The following RAB27B variants were observed in gnomAD, a reference collection of about 807,000 sequenced individuals.
RAB27B encodes RAB27B, member RAS oncogene family.
Under a neutral mutation model 24.6 loss-of-function variants are expected in RAB27B, and 15 were observed. That is an observed-to-expected ratio of 0.61 (90% CI 0.41 to 0.94). The LOEUF is 0.94. Ranked by LOEUF, RAB27B falls within the 40% of genes least tolerant of loss-of-function variation. The pLI, the probability that RAB27B is intolerant of heterozygous loss-of-function variation, is 0.00. For missense variants in RAB27B, 261 were observed against 266.8 expected, an observed-to-expected ratio of 0.98 and a Z score of 0.15; for synonymous variants, 105 against 92.5, an observed-to-expected ratio of 1.14 and a Z score of -0.78.
At chr18:54,867,866 C>T (rs1021186760) in intron 1 of RAB27B, among the ~76,000 whole-genome samples, 1 of 152,158 alleles carries the variant, frequency 6.6e-6, no homozygotes, top group African/African-American at 2.4e-5. Flanking sequence ...TGAGAACTTG[C>T]CTGCCTCTCT....
At chr18:54,809,542 G>A (rs1260679350) in intron 2 of RAB27B, among the ~76,000 whole-genome samples, 1 of 152,192 alleles carries the variant, frequency 6.6e-6, no homozygotes, top group Non-Finnish European at 1.5e-5. Context: ...GGGTGAGCAA[G>A]AGAATAAACA....
intron 2 of RAB27B, among the ~76,000 whole-genome samples, chr18:54,758,055 T>C (rs1467145397): frequency 1.3e-5 from 2 of 152,090 alleles, no homozygotes; most frequent in Non-Finnish European, 2.9e-5. Flanking sequence ...CTCTGTTGAG[T>C]ATTAGGTGTA....
chr18:54,749,014 AG>A (rs138405929), intron 2 of RAB27B, among the ~76,000 whole-genome samples: 9,458 of 152,206 alleles, frequency 0.062, 372 homozygotes, highest in Admixed American at 0.087. Flanking sequence ...CTTATTATGC[AG>A]GTAAAGTTCC....
intron 1 of RAB27B, among the ~76,000 whole-genome samples, chr18:54,848,209 T>C (rs1029800602): frequency 6.6e-6 from 1 of 152,238 alleles, no homozygotes; most frequent in Non-Finnish European, 1.5e-5. Context: ...TGAACTTAAA[T>C]ATATAATGAG....
In RAB27B at chr18:54,814,887, G is replaced by A. The variant is rs564488946; in HGVS notation, c.-19-62680G>A. Among the ~76,000 whole-genome samples the A allele has an allele frequency of 1.8e-4, 28 of 152,294 alleles. 1 individual carries two copies. In the East Asian group the frequency reaches 5.4e-3, roughly 29 times the overall value. ...TATACGTTTAAGTGTCTGTGAACACGTTTGTGAGTCAGGGCTGAAAGGAAT... is the reference window on the plus strand; with the variant it reads ...TATACGTTTAAGTGTCTGTGAACACATTTGTGAGTCAGGGCTGAAAGGAAT... On this transcript the variant is annotated intron_variant, in intron 2 of 4. Coordinates refer to the RAB27B transcript ENST00000586570.
intron 2 of RAB27B, among the ~76,000 whole-genome samples, chr18:54,778,901 C>T (rs116115126): frequency 0.031 from 4,678 of 151,182 alleles, 87 homozygotes; most frequent in Middle Eastern, 0.096. Flanking sequence ...AGCACAGTGG[C>T]GTGATCTCAG....
chr18:54,780,532 C>T (rs1307270546), intron 2 of RAB27B, among the ~76,000 whole-genome samples: 2 of 152,168 alleles, frequency 1.3e-5, no homozygotes, highest in African/African-American at 4.8e-5. Flanking sequence ...TGGCTTCCCC[C>T]TCACTGTGTC....
chr18:54,879,911 T>C (rs60892860), intron 3 of RAB27B: 15,875 of 155,620 alleles, frequency 0.1, 953 homozygotes, highest in Middle Eastern at 0.17. Flanking sequence ...TTAAAACAAT[T>C]GCCCTCCAGC....
intron 4 of RAB27B, among the ~76,000 whole-genome samples, chr18:54,884,800 G>A (rs9966659): frequency 0.97 from 148,069 of 152,168 alleles, 72,190 homozygotes; most frequent in East Asian, 1. Context: ...TTTGACCTGG[G>A]GAGATCACAG....
chr18:54,769,941 C>T (rs564998376), intron 2 of RAB27B, among the ~76,000 whole-genome samples: 12 of 152,240 alleles, frequency 7.9e-5, no homozygotes, highest in Non-Finnish European at 1.0e-4. Flanking sequence ...AATCTTGGCT[C>T]AATGCAACCT....
At position 54,759,844 on chromosome 18, in the gene RAB27B, C is replaced by T. The variant is rs147228598; in HGVS notation, c.-20+41703C>T. Among the ~76,000 whole-genome samples the T allele has an allele frequency of 3.2e-3, 494 of 152,224 alleles. 2 individuals are homozygous for T. The highest frequency in any genetic ancestry group is 0.011 in the African/African-American group (475 of 41,534). On this transcript the variant is annotated intron_variant, in intron 2 of 4. Transcript: ENST00000586570. ...AGAGAAGAGTCCAGCCAGGGACAGC[C>T]GTTTAGCCAGTGGAAGACCACCTTC...
At chr18:54,806,275 A>G (rs1909787471) in intron 2 of RAB27B, among the ~76,000 whole-genome samples, 1 of 152,056 alleles carries the variant, frequency 6.6e-6, no homozygotes, top group Non-Finnish European at 1.5e-5. Context: ...TGCTTAATGC[A>G]GAACTGCCCT....
At chr18:54,851,351 G>C (rs1555663765) in intron 1 of RAB27B, among the ~76,000 whole-genome samples, 1 of 152,142 alleles carries the variant, frequency 6.6e-6, no homozygotes, top group African/African-American at 2.4e-5. Flanking sequence ...AAAGTGTACA[G>C]TAGAAACATA....
Position 54,889,353 on chromosome 18 carries a change from T to C in RAB27B, c.597T>C (p.Asn199=). ...AGACACAAATCCCTGATACTGTCAA[T>C]GGTGGAAATTCTGGAAACTTGGATG... ...VEKTQIPDTV[N]GGNSGNLDGE... Residue 199 remains asparagine (N), a synonymous_variant, in exon 6 of 6, where the codon AAT becomes AAC. Transcript: ENST00000262094. The C allele has an allele frequency of 1.2e-6, 2 of 1,613,360 alleles. No individual in the cohort carries two copies. Among genetic ancestry groups the C allele is most frequent in the East Asian group, 2.2e-5 (1 of 44,844 alleles).
chr18:54,841,167 G>T (rs1911103214), intron 1 of RAB27B, among the ~76,000 whole-genome samples: 5 of 85,226 alleles, frequency 5.9e-5, no homozygotes, highest in Non-Finnish European at 1.1e-4. Context: ...GGCGGTGGGG[G>T]GTTTGGTGAG....
intron 2 of RAB27B, among the ~76,000 whole-genome samples, chr18:54,811,038 T>C (rs991993541): frequency 3.3e-5 from 5 of 152,008 alleles, no homozygotes; most frequent in African/African-American, 1.2e-4. Context: ...AACGAATACA[T>C]TTCCTATGAA....
rs142338955 is a variant in RAB27B, at chr18:54,747,713, G to A, written c.-20+29572G>A. Among the ~76,000 whole-genome samples the A allele has an allele frequency of 1.6e-3, 243 of 152,254 alleles. 1 individual carries two copies. The highest frequency in any genetic ancestry group is 0.012 in the East Asian group (62 of 5,174). ...ATAATTATGATTTTCCAAAATATGC[G>A]TGGGTTTCAGAGCCAATGTTAGTTA... On this transcript the variant is annotated intron_variant, in intron 2 of 4. Transcript: ENST00000586570.
intron 2 of RAB27B, among the ~76,000 whole-genome samples, chr18:54,807,985 G>A (rs1465733142): frequency 6.6e-6 from 1 of 152,164 alleles, no homozygotes; most frequent in East Asian, 1.9e-4. Flanking sequence ...ATCTTTTGAA[G>A]CAGGAGTTAA....
At chr18:54,854,937 T>C (rs1452286865) in intron 1 of RAB27B, among the ~76,000 whole-genome samples, 2 of 152,184 alleles carry the variant, frequency 1.3e-5, no homozygotes, top group African/African-American at 4.8e-5. Flanking sequence ...TTCGGGATGA[T>C]TCAAATGCAT....
Sources: gnomAD v4.1 joint callset for allele counts (sites outside exome capture counted in the v4.1 genomes callset) on GRCh38, gnomAD v4.1.1 for gene constraint, MANE v1.5 for transcripts, NCBI Gene and HGNC (gene_info 2026-07-23, HGNC 2026-07-21) for gene names.